The following PWP1 variants were observed in gnomAD, a reference collection of about 807,000 sequenced individuals.
PWP1 encodes the protein PWP1 homolog, endonuclein.
In PWP1, 47 loss-of-function variants were observed where a neutral mutation model predicts 69.9. That is an observed-to-expected ratio of 0.67 (90% confidence interval 0.53 to 0.86). The LOEUF (loss-of-function observed/expected upper bound fraction) is 0.86. Among genes scored for constraint, PWP1 ranks in the 40% least tolerant of loss-of-function variants. The pLI is 0.00. For synonymous variants in PWP1, 222 were observed against 208.2 expected, an observed-to-expected ratio of 1.07 and a Z score of -0.57; for missense variants, 551 against 608.8, an observed-to-expected ratio of 0.91 and a Z score of 1.00.
intron 14 of PWP1, among the ~76,000 whole-genome samples, chr12:107,710,738 G>A (rs1049586474): frequency 6.6e-6 from 1 of 152,120 alleles, no homozygotes; most frequent in African/African-American, 2.4e-5. Flanking sequence ...TGTGTGACTT[G>A]AATTGTTTCT....
chr12:107,689,512 G>C (rs766162069), intron 3 of PWP1, among the ~76,000 whole-genome samples: 1 of 152,164 alleles, frequency 6.6e-6, no homozygotes, highest in Non-Finnish European at 1.5e-5. Context: ...TTGGGAGGCC[G>C]AGGCAGGTGG....
intron 3 of PWP1, among the ~76,000 whole-genome samples, chr12:107,689,920 A>C (rs1228519355): frequency 6.6e-6 from 1 of 152,162 alleles, no homozygotes; most frequent in African/African-American, 2.4e-5. Flanking sequence ...GAGCTGACAA[A>C]GCTCGCTTTG....
At position 107,704,720 on chromosome 12, in the gene PWP1, G is replaced by T; in HGVS notation, c.1050G>T (p.Trp350Cys). 1 of 1,613,866 alleles carries T rather than the reference G, an allele frequency of 6.2e-7. No homozygotes were observed. Among genetic ancestry groups the T allele is most frequent in the East Asian group, 2.2e-5 (1 of 44,866 alleles). ...RFSGQIERVT[W>C]NHFSPCHFLA... ...GTGGGCAGATAGAGAGAGTGACTTG[G>T]AATCACTTTTCACCTTGTCATTTCT... Residue 350 changes from tryptophan (W) to cysteine (C), a missense_variant, in exon 11 of 15, where the codon TGG becomes TGT. Physicochemically the swap from Trp to Cys is radical, Grantham distance 215 (BLOSUM62 -2). Transcript: ENST00000412830.
In PWP1 at chr12:107,712,204, C is replaced by T. The variant is rs987904814; in HGVS notation, c.1490C>T (p.Thr497Ile). Residue 497 changes from threonine to isoleucine, a missense_variant, in exon 15 of 15, where the codon ACA (threonine) becomes ATA (isoleucine). Transcript: ENST00000412830. ...CCTTTTGGCAGCAGGAGCTCAGATA[C>T]ACCCATGGAGTCTTAATGAAGATCA... ...SGPFGSRSSD[T>I]PMES 6.2e-7 allele frequency: 1 copy of T among 1,612,452 alleles called. No individual in the cohort carries two copies. The highest frequency in any genetic ancestry group is 8.5e-7 in the Non-Finnish European group (1 of 1,178,472).
chr12:107,710,328 T>C, intron 13 of PWP1, 77 bp from the exon 14 acceptor site: 1 of 1,564,818 alleles, frequency 6.4e-7, no homozygotes, highest in Admixed American at 2.0e-5. Flanking sequence ...CATAGATTCT[T>C]AGAGACAACA....
intron 11 of PWP1, among the ~76,000 whole-genome samples, chr12:107,705,450 G>C (rs576614517): frequency 1.3e-5 from 2 of 151,104 alleles, no homozygotes; most frequent in African/African-American, 4.9e-5. Context: ...ATACATGTGC[G>C]ATGTTGGTGT....
At chr12:107,711,088 C>T (rs1037079264) in intron 14 of PWP1, among the ~76,000 whole-genome samples, 2 of 152,176 alleles carry the variant, frequency 1.3e-5, no homozygotes, top group African/African-American at 4.8e-5. Context: ...CCAAACTAGT[C>T]TTTAGCATTG....
At chr12:107,687,089 G>T (rs556002387) in intron 1 of PWP1, among the ~76,000 whole-genome samples, 1 of 151,722 alleles carries the variant, frequency 6.6e-6, no homozygotes, top group Non-Finnish European at 1.5e-5. Context: ...AAAAGGGGTT[G>T]ATTTGAATGT....
chr12:107,700,930 A>G (rs7971097), intron 8 of PWP1, among the ~76,000 whole-genome samples: 10,539 of 151,700 alleles, frequency 0.069, 432 homozygotes, highest in African/African-American at 0.11. Flanking sequence ...ATGGGGGTCT[A>G]TGTTGCTAAA....
chr12:107,700,998 TGGA>T (rs1292677780), intron 8 of PWP1, among the ~76,000 whole-genome samples: 1 of 152,196 alleles, frequency 6.6e-6, no homozygotes. Flanking sequence ...CCAAGTCACT[TGGA>T]GTACAGGGGC....
rs1889421735 is a variant in PWP1 at position 107,688,659 on chromosome 12, C to T, written c.176C>T (p.Ser59Leu). The change falls in exon 3 of 15, where the codon TCA becomes TTA. Residue 59 changes from serine to leucine, a missense_variant. Coordinates refer to ENST00000412830, the MANE Select transcript of PWP1 (RefSeq NM_007062.3). The part of the protein sequence containing the change: ...GSDEEETGSP[S>L]EDGMQSARTQ... ...GATGAAGAGGAGACAGGCAGTCCTTCAGAAGATGGCATGCAGAGTGCACGC... is the reference window on the plus strand; with the variant it reads ...GATGAAGAGGAGACAGGCAGTCCTTTAGAAGATGGCATGCAGAGTGCACGC... The T allele has an allele frequency of 2.5e-6, 4 of 1,614,202 alleles. No individual in the cohort carries two copies. Among genetic ancestry groups the T allele is most frequent in the South Asian group, 2.2e-5 (2 of 91,086 alleles).
At chr12:107,691,256 T>C (rs1454002212) in intron 3 of PWP1, among the ~76,000 whole-genome samples, 1 of 152,180 alleles carries the variant, frequency 6.6e-6, no homozygotes, top group African/African-American at 2.4e-5. Context: ...GGGGAAATGC[T>C]CGGCAAGTTG....
At position 107,704,733 on chromosome 12, in the gene PWP1, C is replaced by G. The variant is rs1219593873; in HGVS notation, c.1063C>G (p.Pro355Ala). The G allele has an allele frequency of 1.2e-6, 2 of 1,613,534 alleles. No homozygotes were observed. Among genetic ancestry groups the G allele is most frequent in the South Asian group, 2.2e-5 (2 of 91,066 alleles). The change falls in exon 11 of 15, where the codon CCT (proline) becomes GCT (alanine). Residue 355 changes from proline to alanine, a missense_variant. Physicochemically the swap from Pro to Ala is conservative, Grantham distance 27 (BLOSUM62 -1). Transcript: ENST00000412830. ...IERVTWNHFS[P>A]CHFLASTDDG... ...GAGAGTGACTTGGAATCACTTTTCA[C>G]CTTGTCATTTCTTGGTAAGAGTACG...
chr12:107,687,161 G>A (rs1271559087), intron 1 of PWP1, among the ~76,000 whole-genome samples: 1 of 152,156 alleles, frequency 6.6e-6, no homozygotes, highest in African/African-American at 2.4e-5. Context: ...GGAGTTAACA[G>A]GAATGACGGA....
At chr12:107,686,523 G>A (rs1332357125) in intron 1 of PWP1, among the ~76,000 whole-genome samples, 2 of 152,110 alleles carry the variant, frequency 1.3e-5, no homozygotes, top group African/African-American at 4.8e-5. Flanking sequence ...GAGGATGAGA[G>A]GTAAATGTCT....
At chr12:107,699,510 CTT>C (rs1366375295) in intron 8 of PWP1, 76 bp downstream of exon 8, 1 of 1,204,712 alleles carries the variant, frequency 8.3e-7, no homozygotes, top group African/African-American at 1.5e-5. Flanking sequence ...ACACTCATCT[CTT>C]TATTTGTGCT....
chr12:107,696,910 A>G (rs1211029019), intron 6 of PWP1, among the ~76,000 whole-genome samples: 1 of 152,260 alleles, frequency 6.6e-6, no homozygotes, highest in African/African-American at 2.4e-5. Context: ...GTTACCAGCT[A>G]GAGTTCAGTG....
At chr12:107,690,789 A>C (rs1889465830) in intron 3 of PWP1, among the ~76,000 whole-genome samples, 1 of 152,194 alleles carries the variant, frequency 6.6e-6, no homozygotes, top group African/African-American at 2.4e-5. Context: ...TGTTAAAGCA[A>C]GGTAATTCAA....
intron 3 of PWP1, among the ~76,000 whole-genome samples, chr12:107,690,734 G>A (rs1318203447): frequency 6.6e-6 from 1 of 152,154 alleles, no homozygotes; most frequent in African/African-American, 2.4e-5. Context: ...CTCCAGCAAT[G>A]GGGAGAGGGA....
Sources: gnomAD v4.1 joint callset for allele counts (sites outside exome capture counted in the v4.1 genomes callset) on GRCh38, gnomAD v4.1.1 for gene constraint, MANE v1.5 for transcripts, NCBI Gene and HGNC (gene_info 2026-07-23, HGNC 2026-07-21) for gene names.